Variants in MYLK observed in about 807,000 individuals in gnomAD.
MYLK encodes the protein myosin light chain kinase, also known as myosin light chain kinase, smooth muscle.
MYLK carries 106 observed loss-of-function variants against 203.4 expected under a neutral mutation model. The ratio of observed to expected loss-of-function variants is 0.52; its 90% CI spans 0.45 to 0.61. The LOEUF is 0.61. Ranked by LOEUF, MYLK falls within the 20% of genes least tolerant of loss-of-function variation. The pLI is 0.00. For missense variants in MYLK, 2,072 were observed against 2,442.3 expected, an observed-to-expected ratio of 0.85 and a Z score of 3.20; for synonymous variants, 867 against 959.5, an observed-to-expected ratio of 0.90 and a Z score of 1.78.
chr3:123,638,605 G>T, intron 28 of MYLK: 1 of 295,306 alleles, frequency 3.4e-6, no homozygotes, highest in Non-Finnish European at 5.0e-6. Flanking sequence ...CAAGGGGTAG[G>T]TATAATGCCC....
intron 2 of MYLK, among the ~76,000 whole-genome samples, chr3:123,832,628 A>C (rs2066368187): frequency 6.6e-6 from 1 of 152,210 alleles, no homozygotes; most frequent in South Asian, 2.1e-4. Flanking sequence ...AGCCCTGGAG[A>C]ATAGGATCAG....
In MYLK at chr3:123,720,296, C is replaced by T. The variant is rs532154787; in HGVS notation, c.1804+1832G>A. Among the ~76,000 whole-genome samples the T allele has an allele frequency of 3.9e-5, 6 of 152,292 alleles. No homozygotes were observed. In the East Asian group the frequency reaches 1.2e-3, roughly 29 times the overall value. On this transcript the variant is annotated intron_variant, in intron 13 of 33. Transcript: ENST00000360304. ...CCCTAAAGAATTCTTGATCCTTTGC[C>T]TGGGACTCCCACCTCCAGGGGACTC...
intron 18 of MYLK, 76 bp from the exon 19 acceptor site, chr3:123,692,927 GTGT>G (rs1328146479): frequency 7.7e-7 from 1 of 1,291,568 alleles, no homozygotes; most frequent in Non-Finnish European, 1.1e-6. Flanking sequence ...CAGCAGGTGA[GTGT>G]TACTCGCACG....
chr3:123,865,560 T>A (rs1456760511), intron 2 of MYLK, among the ~76,000 whole-genome samples: 2 of 152,200 alleles, frequency 1.3e-5, no homozygotes, highest in Non-Finnish European at 2.9e-5. Flanking sequence ...CCAGATAATG[T>A]GCTAGGTGCT....
intron 3 of MYLK, among the ~76,000 whole-genome samples, chr3:123,821,985 T>C (rs1479684752): frequency 2.0e-5 from 3 of 152,146 alleles, no homozygotes; most frequent in African/African-American, 4.8e-5. Flanking sequence ...AATAGATTCA[T>C]GTTATTTCAG....
At chr3:123,750,760 G>T (rs1252481661) in intron 5 of MYLK, among the ~76,000 whole-genome samples, 1 of 152,198 alleles carries the variant, frequency 6.6e-6, no homozygotes, top group African/African-American at 2.4e-5. Flanking sequence ...CATTGAAAGG[G>T]GGTTCATGTA....
At chr3:123,668,504 G>A (rs1473455526) in intron 20 of MYLK, among the ~76,000 whole-genome samples, 2 of 142,864 alleles carry the variant, frequency 1.4e-5, no homozygotes, top group Non-Finnish European at 3.1e-5. Context: ...GTTGCCAGAG[G>A]TAGGGTGGGG....
At chr3:123,673,574 G>A (rs538174181) in intron 20 of MYLK, among the ~76,000 whole-genome samples, 1 of 152,216 alleles carries the variant, frequency 6.6e-6, no homozygotes, top group Admixed American at 6.5e-5. Context: ...GAGCTCTCAT[G>A]TGGCACCTGT....
chr3:123,734,300 T>C, intron 9 of MYLK, 78 bp from the exon 10 acceptor site: 2 of 1,366,662 alleles, frequency 1.5e-6, no homozygotes, highest in Non-Finnish European at 2.0e-6. Context: ...CTCACAAATA[T>C]TACTCATCAC....
intron 13 of MYLK, among the ~76,000 whole-genome samples, chr3:123,718,261 C>A (rs564471760): frequency 1.3e-5 from 2 of 152,292 alleles, no homozygotes; most frequent in South Asian, 4.1e-4. Context: ...TGCCTCCCTG[C>A]ACTGCAGGGG....
chr3:123,801,998 C>T (rs1041546622), intron 3 of MYLK, among the ~76,000 whole-genome samples: 1 of 152,202 alleles, frequency 6.6e-6, no homozygotes, highest in African/African-American at 2.4e-5. Flanking sequence ...TTTGAGGAAT[C>T]TCCAAACTGC....
At chr3:123,867,757 C>A (rs1211484333) in intron 2 of MYLK, among the ~76,000 whole-genome samples, 5 of 152,204 alleles carry the variant, frequency 3.3e-5, no homozygotes, top group African/African-American at 1.2e-4. Flanking sequence ...TGTTACACAA[C>A]CCAAACAAAT....
chr3:123,871,043 T>A (rs902389677), intron 2 of MYLK, among the ~76,000 whole-genome samples: 1 of 152,056 alleles, frequency 6.6e-6, no homozygotes, highest in African/African-American at 2.4e-5. Context: ...AAACAGTCCA[T>A]GGTGTGACCG....
intron 3 of MYLK, among the ~76,000 whole-genome samples, chr3:123,827,932 G>A (rs2066188286): frequency 6.6e-6 from 1 of 150,942 alleles, no homozygotes; most frequent in East Asian, 1.9e-4. Flanking sequence ...TTTAACCAAG[G>A]AGGTGAAAGA....
At position 123,618,727 on chromosome 3, in the gene MYLK, C is replaced by T. The variant is rs139045748; in HGVS notation, c.5412G>A (p.Lys1804=). Residue 1804 remains lysine (K), a synonymous_variant, in exon 33 of 34, where the codon AAG becomes AAA. Coordinates refer to ENST00000360304, the MANE Select transcript of MYLK (RefSeq NM_053025.4). ...TAGAGAAATAGGGTTTTACATGAGG[C>T]TTTTCCTCAGCAACAGCCTCAAGGA... The part of the protein sequence containing the change: ...QAFLEAVAEE[K]PHVKPYFSKT... The T allele has an allele frequency of 1.9e-6, 3 of 1,614,062 alleles. No individual in the cohort carries two copies. The highest frequency in any genetic ancestry group is 1.3e-5 in the African/African-American group (1 of 74,936).
At position 123,682,239 on chromosome 3, in the gene MYLK, C is replaced by A. The variant is rs368390254; in HGVS notation, c.3637G>T (p.Val1213Leu). 1 of 1,601,426 alleles carries A rather than the reference C, an allele frequency of 6.2e-7. No homozygotes were observed. Among genetic ancestry groups the A allele is most frequent in the South Asian group, 1.1e-5 (1 of 87,976 alleles). Reference sequence around the variant, plus strand: ...GAGTACTCACTCTCAGTTCCTAGCACGGGAGGAAGAGAGCTCTTGGGCCTC... The same window carrying A: ...GAGTACTCACTCTCAGTTCCTAGCAAGGGAGGAAGAGAGCTCTTGGGCCTC... ...SRRPKSSLPPVLGTESDATVK... is the reference protein window; with the variant it reads ...SRRPKSSLPPLLGTESDATVK... The change falls in exon 20 of 34, where the codon GTG (valine) becomes TTG (leucine). Residue 1213 changes from valine to leucine, a missense_variant. Around this residue, in one of 3 missense-constraint regions of MYLK, gnomAD observed 865 missense variants for 1,016.0 expected, o/e 0.85. Transcript: ENST00000360304.
intron 20 of MYLK, chr3:123,681,985 G>C (rs1428698843): frequency 6.8e-6 from 4 of 585,836 alleles, no homozygotes; most frequent in Non-Finnish European, 9.4e-6. Context: ...CAGATGAGAT[G>C]TGCAACACCA....
At chr3:123,872,138 T>G (rs866668947) in intron 2 of MYLK, among the ~76,000 whole-genome samples, 8 of 152,294 alleles carry the variant, frequency 5.3e-5, no homozygotes, top group South Asian at 4.1e-4. Flanking sequence ...CATTCACTTA[T>G]CCATCTATTG....
chr3:123,643,855 A>C (rs1363748960), intron 27 of MYLK, among the ~76,000 whole-genome samples: 2 of 152,354 alleles, frequency 1.3e-5, no homozygotes, highest in East Asian at 3.9e-4. Flanking sequence ...TTCTTTGATA[A>C]ATTTTGCTAA....
Sources: allele counts gnomAD v4.1 joint callset (sites outside exome capture counted in the v4.1 genomes callset), GRCh38; gene constraint gnomAD v4.1.1; regional missense constraint gnomAD v4.1.1; transcripts MANE v1.5; gene names NCBI Gene and HGNC (gene_info 2026-07-23, HGNC 2026-07-21).